Variants in CCDC83 observed in about 807,000 individuals in gnomAD.
The protein encoded by CCDC83 is coiled-coil domain containing 83.
Under a neutral mutation model 50.1 loss-of-function variants are expected in CCDC83, and 54 were observed. That is an observed-to-expected ratio of 1.08 (90% CI 0.87 to 1.35). CCDC83 has a LOEUF of 1.35. Ranked by LOEUF, CCDC83 falls within the 40% of genes most tolerant of loss-of-function variation. CCDC83 has a pLI of 0.00. For missense variants in CCDC83, 518 were observed against 473.9 expected (o/e 1.09, Z -0.86); for synonymous variants, 161 against 153.3 (o/e 1.05, Z -0.37).
chr11:85,882,899 A>T (rs1373247959), intron 4 of CCDC83, among the ~76,000 whole-genome samples: 6 of 152,142 alleles, frequency 3.9e-5, no homozygotes, highest in Non-Finnish European at 5.9e-5. Context: ...AAGGGTAGTG[A>T]TCAGAAACAG....
chr11:85,886,217 A>C lies in CCDC83; in HGVS notation c.361A>C (p.Ser121Arg). Residue 121 changes from serine to arginine, a missense_variant, in exon 5 of 11, where the codon AGT becomes CGT. Coordinates refer to ENST00000342404, the MANE Select transcript of CCDC83 (RefSeq NM_001286159.2). ...TTCAACAGATATGCGCATGCAAATA[A>C]GTAATGCTGAGAAACTATTTCTTGA... Reference protein sequence around the residue: ...KNLRDMRMQISNAEKLFLEKL... With the variant: ...KNLRDMRMQIRNAEKLFLEKL... 6.3e-7 allele frequency: 1 copy of C among 1,590,396 alleles called. No individual in the cohort carries two copies. The highest frequency in any genetic ancestry group is 8.5e-7 in the Non-Finnish European group (1 of 1,170,878).
chr11:85,856,620 G>C (rs2093142877), intron 1 of CCDC83, among the ~76,000 whole-genome samples: 1 of 152,204 alleles, frequency 6.6e-6, no homozygotes, highest in Non-Finnish European at 1.5e-5. Context: ...AATGTGCCAT[G>C]ACTAAAGGAT....
At chr11:85,865,592 T>C (rs571188952) in intron 2 of CCDC83, among the ~76,000 whole-genome samples, 1 of 152,280 alleles carries the variant, frequency 6.6e-6, no homozygotes, top group Non-Finnish European at 1.5e-5. Context: ...TTTACATTTA[T>C]AGAGAGTAGA....
At chr11:85,858,433 T>TCTCCTCCCTAAGAGCAAATGGCA (rs1307776516) in intron 1 of CCDC83, among the ~76,000 whole-genome samples, 1 of 152,172 alleles carries the variant, frequency 6.6e-6, no homozygotes, top group Non-Finnish European at 1.5e-5. Context: ...AGGCCCTGCC[T>TCTCCTCCCTAAGAGCAAATGGCA]CTCCTCCCTA....
intron 1 of CCDC83, 147 bp from the exon 2 acceptor site, chr11:85,864,949 C>A: frequency 1.8e-6 from 1 of 563,388 alleles, no homozygotes; most frequent in Non-Finnish European, 3.2e-6. Flanking sequence ...GATGTTCCAC[C>A]ATTGTGGTGA....
chr11:85,906,302 G>A (rs189640984), intron 7 of CCDC83, among the ~76,000 whole-genome samples: 1 of 152,072 alleles, frequency 6.6e-6, no homozygotes, highest in African/African-American at 2.4e-5. Flanking sequence ...CCCGACCTCA[G>A]GTGATCCACC....
At chr11:85,881,026 A>G (rs2093296641) in intron 3 of CCDC83, among the ~76,000 whole-genome samples, 1 of 152,154 alleles carries the variant, frequency 6.6e-6, no homozygotes, top group South Asian at 2.1e-4. Flanking sequence ...GTCACATGAC[A>G]TCAGGTGTGT....
chr11:85,871,142 A>AG (rs1168439794), intron 2 of CCDC83, among the ~76,000 whole-genome samples: 5 of 152,158 alleles, frequency 3.3e-5, no homozygotes, highest in African/African-American at 2.4e-5. Context: ...ACTCCAGCCT[A>AG]GGTGACAGAG....
intron 3 of CCDC83, among the ~76,000 whole-genome samples, chr11:85,880,602 C>T (rs909162998): frequency 3.3e-5 from 5 of 151,534 alleles, no homozygotes; most frequent in East Asian, 1.9e-4. Flanking sequence ...TTTTAATCAG[C>T]GTTTTCTAGT....
intron 1 of CCDC83, among the ~76,000 whole-genome samples, chr11:85,856,504 G>A (rs2093142201): frequency 6.6e-6 from 1 of 152,218 alleles, no homozygotes; most frequent in South Asian, 2.1e-4. Context: ...AGAGAAGTTA[G>A]TGTAATATAC....
chr11:85,891,697 G>C (rs1301998659), intron 5 of CCDC83, among the ~76,000 whole-genome samples: 1 of 152,132 alleles, frequency 6.6e-6, no homozygotes, highest in Non-Finnish European at 1.5e-5. Context: ...TAAAATCAGA[G>C]TCCCTAGGTG....
At chr11:85,896,376 G>A (rs1163656636) in intron 6 of CCDC83, among the ~76,000 whole-genome samples, 2 of 133,484 alleles carry the variant, frequency 1.5e-5, no homozygotes, top group Non-Finnish European at 3.1e-5. Context: ...ACTCCAGCAT[G>A]GGCAACAAAG....
chr11:85,904,235 G>A (rs1592185211), intron 7 of CCDC83, among the ~76,000 whole-genome samples: 1 of 152,018 alleles, frequency 6.6e-6, no homozygotes, highest in Non-Finnish European at 1.5e-5. Context: ...TCTCATATAC[G>A]CCACAACAGT....
chr11:85,874,769 A>C (rs2093259403), intron 3 of CCDC83, among the ~76,000 whole-genome samples: 1 of 152,030 alleles, frequency 6.6e-6, no homozygotes, highest in Admixed American at 6.5e-5. Flanking sequence ...GGTCTAATAG[A>C]CTCTTCTTAG....
At chr11:85,875,372 C>T (rs1029517734) in intron 3 of CCDC83, among the ~76,000 whole-genome samples, 2 of 152,246 alleles carry the variant, frequency 1.3e-5, no homozygotes, top group African/African-American at 2.4e-5. Flanking sequence ...CCGGCCCCAT[C>T]TGCCTAGGCA....
intron 7 of CCDC83, among the ~76,000 whole-genome samples, chr11:85,909,084 C>A (rs1235796899): frequency 2.6e-5 from 4 of 152,166 alleles, no homozygotes; most frequent in Non-Finnish European, 4.4e-5. Flanking sequence ...CAGGTGCACA[C>A]CACTACGCCC....
At chr11:85,886,075 G>C in intron 4 of CCDC83, 125 bp from the exon 5 acceptor site, 1 of 644,522 alleles carries the variant, frequency 1.6e-6, no homozygotes, top group African/African-American at 1.9e-5. Flanking sequence ...CTAAATTTTA[G>C]ATATAAAATA....
intron 8 of CCDC83, chr11:85,912,679 T>C (rs778950451): frequency 6.8e-6 from 11 of 1,611,860 alleles, no homozygotes; most frequent in Non-Finnish European, 8.5e-6. Context: ...GTCCCACCTC[T>C]AATCCTCGTC....
At chr11:85,867,629 G>A (rs1000844129) in intron 2 of CCDC83, among the ~76,000 whole-genome samples, 2 of 152,192 alleles carry the variant, frequency 1.3e-5, no homozygotes, top group Non-Finnish European at 2.9e-5. Flanking sequence ...CTTAGGAGAG[G>A]TGGACAAAAA....
Sources: allele counts gnomAD v4.1 joint callset (sites outside exome capture counted in the v4.1 genomes callset), GRCh38; gene constraint gnomAD v4.1.1; transcripts MANE v1.5; gene names NCBI Gene and HGNC (gene_info 2026-07-23, HGNC 2026-07-21).